TBC1D30: variants seen among roughly 807,000 people sequenced by gnomAD.
The protein encoded by TBC1D30 is TBC1 domain family, member 30.
A neutral mutation model predicts 63.2 loss-of-function variants in TBC1D30; 31 were observed. The ratio of observed to expected loss-of-function variants is 0.49; its 90% CI spans 0.37 to 0.66. TBC1D30 has a LOEUF of 0.66. TBC1D30 is among the 30% of genes least tolerant of loss of function. The probability of loss-of-function intolerance (pLI) is 0.00; values close to 1 mark genes in which losing one functional copy is unlikely to be tolerated. For synonymous variants in TBC1D30, 307 were observed against 361.5 expected (o/e 0.85, Z 1.71); for missense variants, 810 against 953.6 (o/e 0.85, Z 1.98).
intron 3 of TBC1D30, among the ~76,000 whole-genome samples, chr12:64,828,734 A>T (rs1874578502): frequency 6.6e-6 from 1 of 152,224 alleles, no homozygotes; most frequent in Admixed American, 6.5e-5. Flanking sequence ...TTTTGTCCTC[A>T]TGGAGCTTAC....
At chr12:64,767,118 C>A (rs1870741835) in intron 1 of TBC1D30, among the ~76,000 whole-genome samples, 2 of 151,696 alleles carry the variant, frequency 1.3e-5, no homozygotes, top group Admixed American at 1.3e-4. Context: ...ATTAATTTAA[C>A]CTTCTACCTT....
At position 64,880,897 on chromosome 12, in the gene TBC1D30, G is replaced by A. The variant is rs1030052593; in HGVS notation, c.*5109G>A. 5 of 152,178 alleles carry A rather than the reference G, an allele frequency of 3.3e-5. No individual in the cohort carries two copies. The highest frequency in any genetic ancestry group is 6.5e-5 in the Admixed American group (1 of 15,280). 9.4% of individuals were successfully genotyped at this position (152,178 alleles called of 1,614,324 possible). On this transcript the variant is annotated 3_prime_UTR_variant, in exon 12 of 12. Coordinates refer to ENST00000539867, the MANE Select transcript of TBC1D30 (RefSeq NM_015279.2). ...GGCAATGCTGATCACTGGGAAGGAG[G>A]TGGATCAATTCTCCTATGGGACCAA...
intron 10 of TBC1D30, among the ~76,000 whole-genome samples, chr12:64,869,472 C>G (rs760516951): frequency 9.2e-5 from 14 of 152,124 alleles, no homozygotes; most frequent in Admixed American, 3.3e-4. Flanking sequence ...AAATCTGAAC[C>G]CAACAAGAGT....
intron 8 of TBC1D30, among the ~76,000 whole-genome samples, chr12:64,861,873 C>G (rs556203926): frequency 6.6e-6 from 1 of 152,168 alleles, no homozygotes; most frequent in East Asian, 1.9e-4. Context: ...TCCTTTGCAC[C>G]CACTCTGTTC....
chr12:64,777,095 A>G (rs112589324), upstream of TBC1D30, among the ~76,000 whole-genome samples: 57 of 152,364 alleles, frequency 3.7e-4, no homozygotes, highest in African/African-American at 1.3e-3. Context: ...CTAGGTATTG[A>G]AGTAACATAC....
chr12:64,804,326 G>A (rs561793611), intron 2 of TBC1D30, among the ~76,000 whole-genome samples: 13 of 152,280 alleles, frequency 8.5e-5, no homozygotes, highest in African/African-American at 3.1e-4. Flanking sequence ...TGTGATTTTT[G>A]CACATTGATT....
intron 1 of TBC1D30, among the ~76,000 whole-genome samples, chr12:64,765,767 G>A (rs970509603): frequency 6.6e-6 from 1 of 150,950 alleles, no homozygotes; most frequent in African/African-American, 2.4e-5. Flanking sequence ...AGGCCTAGGT[G>A]GGCAGATGGC....
chr12:64,843,769 G>T (rs910154019), intron 8 of TBC1D30, among the ~76,000 whole-genome samples: 7 of 152,086 alleles, frequency 4.6e-5, no homozygotes, highest in African/African-American at 1.7e-4. Context: ...AAATCACCAA[G>T]TGCTTATTCT....
At chr12:64,782,674 C>G (rs1214247500) in intron 1 of TBC1D30, among the ~76,000 whole-genome samples, 1 of 152,160 alleles carries the variant, frequency 6.6e-6, no homozygotes, top group Non-Finnish European at 1.5e-5. Context: ...AATTGGCAGA[C>G]TAAAGTTTAA....
chr12:64,816,499 G>C (rs1168948752), intron 2 of TBC1D30, among the ~76,000 whole-genome samples: 1 of 152,194 alleles, frequency 6.6e-6, no homozygotes, highest in Non-Finnish European at 1.5e-5. Flanking sequence ...ATTTATATTG[G>C]ATTGAGGAAT....
chr12:64,855,210 A>G (rs1254753885), intron 8 of TBC1D30, among the ~76,000 whole-genome samples: 5 of 151,822 alleles, frequency 3.3e-5, no homozygotes, highest in South Asian at 2.1e-4. Flanking sequence ...TTGGAGCTCC[A>G]TTGTATGTTA....
intron 7 of TBC1D30, 68 bp downstream of exon 7, chr12:64,838,919 C>G (rs3741740): frequency 7.3e-7 from 1 of 1,370,238 alleles, no homozygotes; most frequent in African/African-American, 1.5e-5. Context: ...TGTGCTCTAA[C>G]GTGTAAAGCA....
chr12:64,834,769 G>A (rs1875195574), intron 5 of TBC1D30, among the ~76,000 whole-genome samples: 2 of 148,440 alleles, frequency 1.3e-5, no homozygotes, highest in Admixed American at 1.4e-4. Context: ...GTGGTGGGTG[G>A]TTTGAGTGAG....
At chr12:64,787,347 T>C (rs1325919297) in intron 2 of TBC1D30, 4 of 984,798 alleles carry the variant, frequency 4.1e-6, no homozygotes, top group Non-Finnish European at 4.8e-6. Flanking sequence ...TTGCATTCTT[T>C]ATTAACATGC....
chr12:64,790,430 A>G (rs1036004220), intron 2 of TBC1D30, among the ~76,000 whole-genome samples: 5 of 152,322 alleles, frequency 3.3e-5, no homozygotes, highest in Non-Finnish European at 5.9e-5. Flanking sequence ...CATATTAATT[A>G]TTAGCATTGT....
At chr12:64,774,768 G>C (rs1871016032) in intron 1 of TBC1D30, among the ~76,000 whole-genome samples, 1 of 152,102 alleles carries the variant, frequency 6.6e-6, no homozygotes, top group African/African-American at 2.4e-5. Flanking sequence ...TACCAGACCT[G>C]CCTTACAAGA....
intron 2 of TBC1D30, chr12:64,818,549 C>A (rs1458311363): frequency 1.2e-5 from 3 of 252,950 alleles, no homozygotes; most frequent in Non-Finnish European, 1.9e-5. Context: ...AGTGATTCTC[C>A]TGCCTCAGCC....
chr12:64,793,603 A>G (rs140089605), intron 2 of TBC1D30, among the ~76,000 whole-genome samples: 2,148 of 152,246 alleles, frequency 0.014, 58 homozygotes, highest in African/African-American at 0.05. Flanking sequence ...GGAGGTTGCA[A>G]TGAGCCAAGA....
At chr12:64,862,462 T>A (rs1336447543) in intron 8 of TBC1D30, among the ~76,000 whole-genome samples, 1 of 152,184 alleles carries the variant, frequency 6.6e-6, no homozygotes, top group East Asian at 1.9e-4. Flanking sequence ...TTTGGTCAGG[T>A]GTCTTTAGCT....
Sources: allele counts gnomAD v4.1 joint callset (sites outside exome capture counted in the v4.1 genomes callset), GRCh38; gene constraint gnomAD v4.1.1; transcripts MANE v1.5; gene names NCBI Gene and HGNC (gene_info 2026-07-23, HGNC 2026-07-21).